Variants in LRRIQ3 observed in about 807,000 individuals in gnomAD.
LRRIQ3 encodes the protein leucine rich repeats and IQ motif containing 3, also known as leucine-rich repeat and IQ domain-containing protein 3.
LRRIQ3 carries 75 observed loss-of-function variants against 59.3 expected under a neutral mutation model. That is an observed-to-expected ratio of 1.26 (90% CI 1.05 to 1.53). The LOEUF (loss-of-function observed/expected upper bound fraction) is 1.53. Among genes scored for constraint, LRRIQ3 ranks in the 40% most tolerant of loss-of-function variants. LRRIQ3 has a pLI of 0.00. For missense variants in LRRIQ3, 831 were observed against 710.0 expected (o/e 1.17, Z -1.94); for synonymous variants, 250 against 231.3 (o/e 1.08, Z -0.73).
At chr1:74,126,113 T>A (rs1646932561) in intron 4 of LRRIQ3, among the ~76,000 whole-genome samples, 1 of 151,760 alleles carries the variant, frequency 6.6e-6, no homozygotes, top group Admixed American at 6.6e-5. Context: ...TTATTCATTT[T>A]TTCTAGGTTT....
At chr1:74,133,107 A>G (rs1006616589) in intron 4 of LRRIQ3, among the ~76,000 whole-genome samples, 1 of 152,216 alleles carries the variant, frequency 6.6e-6, no homozygotes, top group African/African-American at 2.4e-5. Context: ...GGACACATGA[A>G]AAAATGCTCA....
chr1:74,119,801 C>T (rs983456290), intron 4 of LRRIQ3, among the ~76,000 whole-genome samples: 8 of 151,942 alleles, frequency 5.3e-5, no homozygotes, highest in Non-Finnish European at 1.2e-4. Context: ...TATCCCTGTG[C>T]CAATAAAATC....
chr1:74,074,741 T>C lies in LRRIQ3; in HGVS notation c.917A>G (p.His306Arg), dbSNP rs1163617229. 2 of 1,431,922 alleles carry C rather than the reference T, an allele frequency of 1.4e-6. No homozygotes were observed. The highest frequency in any genetic ancestry group is 1.5e-5 in the African/African-American group (1 of 68,604). The allele number at this position is 1,431,922 out of a possible 1,614,324, so 88.7% of individuals were successfully genotyped here. A position where few individuals can be genotyped will look rare whatever the true frequency, so the allele number is the denominator to read the frequency against. The change falls in exon 6 of 8, where the codon CAT (histidine) becomes CGT (arginine). Residue 306 changes from histidine (H) to arginine (R), a missense_variant. Physicochemically the swap from His to Arg is conservative, Grantham distance 29 (BLOSUM62 0). Transcript: ENST00000354431. Reference sequence around the variant, plus strand: ...TAATTCACATAAAATAGATGACACATGTTTTCTGTGTTCACTGGAATTTTT... The same window carrying C: ...TAATTCACATAAAATAGATGACACACGTTTTCTGTGTTCACTGGAATTTTT... ...DLKNSSEHRK[H>R]VSSILCELKP...
At chr1:74,030,292 C>T (rs548724816) in intron 7 of LRRIQ3, among the ~76,000 whole-genome samples, 8 of 152,020 alleles carry the variant, frequency 5.3e-5, no homozygotes, top group Non-Finnish European at 8.8e-5. Flanking sequence ...AAAAAGAGCC[C>T]GCAATGCCAA....
At chr1:74,121,423 C>T (rs1448217069) in intron 4 of LRRIQ3, among the ~76,000 whole-genome samples, 1 of 152,112 alleles carries the variant, frequency 6.6e-6, no homozygotes, top group Admixed American at 6.6e-5. Context: ...TAGGCTTGCG[C>T]TGACTGCTGA....
intron 5 of LRRIQ3, among the ~76,000 whole-genome samples, chr1:74,087,345 C>T (rs1219851759): frequency 2.8e-5 from 4 of 142,876 alleles, no homozygotes; most frequent in Non-Finnish European, 6.1e-5. Context: ...ATTTTCCTTC[C>T]TCTGTTCTTC....
intron 3 of LRRIQ3, among the ~76,000 whole-genome samples, chr1:74,177,931 C>A (rs1649747382): frequency 6.6e-6 from 1 of 151,754 alleles, no homozygotes; most frequent in South Asian, 2.1e-4. Flanking sequence ...TCGATTTATT[C>A]TTATATTTAT....
intron 4 of LRRIQ3, among the ~76,000 whole-genome samples, chr1:74,141,334 G>A (rs1647247253): frequency 6.6e-6 from 1 of 151,624 alleles, no homozygotes; most frequent in Non-Finnish European, 1.5e-5. Context: ...ATACAAATAA[G>A]CTGATGATTC....
chr1:74,147,299 A>G (rs925421346), intron 4 of LRRIQ3, among the ~76,000 whole-genome samples: 2 of 152,112 alleles, frequency 1.3e-5, no homozygotes, highest in Admixed American at 1.3e-4. Context: ...AATCTCTAAA[A>G]TTTTCTAGGC....
At chr1:74,067,437 C>T (rs1340050851) in intron 6 of LRRIQ3, among the ~76,000 whole-genome samples, 4 of 152,072 alleles carry the variant, frequency 2.6e-5, no homozygotes, top group African/African-American at 7.2e-5. Flanking sequence ...TTGCCTACCT[C>T]AGAGGCTACA....
At chr1:74,186,124 C>A (rs1650362094) in intron 1 of LRRIQ3, among the ~76,000 whole-genome samples, 1 of 150,294 alleles carries the variant, frequency 6.7e-6, no homozygotes, top group Non-Finnish European at 1.5e-5. Flanking sequence ...ATTTATTTCT[C>A]ACATTGATTA....
chr1:74,054,677 A>G (rs1654468509), intron 6 of LRRIQ3, among the ~76,000 whole-genome samples: 1 of 150,684 alleles, frequency 6.6e-6, no homozygotes, highest in Non-Finnish European at 1.5e-5. Context: ...TTTTCTGCTC[A>G]ATTTTGCTAT....
chr1:74,170,025 T>C (rs1034025765), intron 3 of LRRIQ3, among the ~76,000 whole-genome samples: 1 of 152,200 alleles, frequency 6.6e-6, no homozygotes, highest in African/African-American at 2.4e-5. Flanking sequence ...ATTTTTTGTT[T>C]GTTTGTCTTT....
intron 3 of LRRIQ3, among the ~76,000 whole-genome samples, chr1:74,156,961 C>T (rs1264432830): frequency 1.3e-5 from 2 of 152,036 alleles, no homozygotes; most frequent in East Asian, 3.9e-4. Flanking sequence ...AACCCTATTA[C>T]ACTTAAAACA....
Position 74,131,341 on chromosome 1 carries a change from T to C in LRRIQ3, c.708-21788A>G, listed in dbSNP as rs140366093. Among the ~76,000 whole-genome samples, 1,194 of 152,080 alleles carry C rather than the reference T, an allele frequency of 7.9e-3. 13 individuals carry two copies. Among genetic ancestry groups the C allele is most frequent in the African/African-American group, 0.028 (1,146 of 41,490 alleles). ...TTCCTTCTGAAAATATTCCAATCAA[T>C]AGAAAAAGAGGGAATCCTCCCTAAC... On this transcript the variant is annotated intron_variant, in intron 4 of 7. Transcript: ENST00000354431.
intron 3 of LRRIQ3, among the ~76,000 whole-genome samples, chr1:74,164,641 T>C (rs1201352271): frequency 6.6e-6 from 1 of 151,616 alleles, no homozygotes; most frequent in East Asian, 1.9e-4. Context: ...GGGTCTTTCA[T>C]AGAGCAAAAT....
intron 3 of LRRIQ3, among the ~76,000 whole-genome samples, chr1:74,174,959 T>C (rs960831037): frequency 6.6e-6 from 1 of 152,208 alleles, no homozygotes; most frequent in Non-Finnish European, 1.5e-5. Context: ...TTTCCCTTAT[T>C]CTTCATTGTC....
intron 3 of LRRIQ3, chr1:74,181,662 T>C (rs2100722087): frequency 6.6e-6 from 1 of 151,974 alleles, no homozygotes; most frequent in Admixed American, 6.6e-5. Context: ...TTTTAACTAT[T>C]AGTACAAAAT....
intron 4 of LRRIQ3, among the ~76,000 whole-genome samples, chr1:74,137,055 C>T (rs566805329): frequency 2.5e-4 from 38 of 151,720 alleles, no homozygotes; most frequent in African/African-American, 8.2e-4. Context: ...TTTCAACTTT[C>T]GGTTCCTAAG....
Sources: allele counts gnomAD v4.1 joint callset (sites outside exome capture counted in the v4.1 genomes callset), GRCh38; gene constraint gnomAD v4.1.1; transcripts MANE v1.5; gene names NCBI Gene and HGNC (gene_info 2026-07-23, HGNC 2026-07-21).